Variants in ME1 observed in about 807,000 individuals in gnomAD.
ME1 encodes the protein NADP-dependent malic enzyme.
Under a neutral mutation model 66.4 loss-of-function variants are expected in ME1, and 74 were observed. The ratio of observed to expected loss-of-function variants is 1.11; its 90% CI spans 0.92 to 1.35. The LOEUF (loss-of-function observed/expected upper bound fraction) is 1.35, where lower values mean the gene tolerates loss of function less well. ME1 is among the 40% of genes most tolerant of loss of function. The pLI is 0.00. For synonymous variants in ME1, 251 were observed against 235.6 expected (o/e 1.07, Z -0.60); for missense variants, 750 against 694.1 (o/e 1.08, Z -0.90).
chr6:83,343,852 A>C (rs1236136490), intron 5 of ME1, among the ~76,000 whole-genome samples: 1 of 152,116 alleles, frequency 6.6e-6, no homozygotes, highest in Non-Finnish European at 1.5e-5. Context: ...CATGAAATCA[A>C]CTCTTTCATA....
At chr6:83,284,586 T>C (rs1215795989) in intron 6 of ME1, among the ~76,000 whole-genome samples, 4 of 151,858 alleles carry the variant, frequency 2.6e-5, no homozygotes, top group Non-Finnish European at 5.9e-5. Context: ...ATAAACAGAT[T>C]TAAAAACAAA....
intron 7 of ME1, among the ~76,000 whole-genome samples, chr6:83,245,885 C>T (rs1299599669): frequency 7.8e-6 from 1 of 128,870 alleles, no homozygotes; most frequent in Non-Finnish European, 1.7e-5. Context: ...AGAAATCTTA[C>T]AGGATCTACA....
intron 3 of ME1, among the ~76,000 whole-genome samples, chr6:83,379,720 C>T (rs1769360209): frequency 6.6e-6 from 1 of 151,938 alleles, no homozygotes; most frequent in Admixed American, 6.6e-5. Flanking sequence ...CATGTTATAA[C>T]ATTAAACCAA....
At chr6:83,357,425 G>C (rs1161911921) in intron 3 of ME1, among the ~76,000 whole-genome samples, 1 of 152,126 alleles carries the variant, frequency 6.6e-6, no homozygotes, top group African/African-American at 2.4e-5. Context: ...TTAATCTATT[G>C]CAAATATAAT....
At chr6:83,393,813 C>T (rs1012455457) in intron 3 of ME1, among the ~76,000 whole-genome samples, 1 of 151,972 alleles carries the variant, frequency 6.6e-6, no homozygotes, top group East Asian at 1.9e-4. Flanking sequence ...TTTGGACATG[C>T]ACAGATGTTT....
chr6:83,256,746 G>T lies in ME1; in HGVS notation c.705-3008C>A, dbSNP rs144233559. ...ACTATAAAGACACACGCACATGTAT[G>T]TTTATTGTGGGACTATTCACAATAG... On this transcript the variant is annotated intron_variant, in intron 6 of 13. Transcript: ENST00000369705. Among the ~76,000 whole-genome samples, 395 of 152,210 alleles carry T rather than the reference G, an allele frequency of 2.6e-3. 4 individuals carry two copies. The highest frequency in any genetic ancestry group is 9.1e-3 in the African/African-American group (377 of 41,546).
At chr6:83,215,655 T>C (rs1393397581) in intron 13 of ME1, among the ~76,000 whole-genome samples, 1 of 152,112 alleles carries the variant, frequency 6.6e-6, no homozygotes, top group Non-Finnish European at 1.5e-5. Flanking sequence ...CACACAAGCG[T>C]GTACACACAC....
At chr6:83,414,111 GAAAAAA>G (rs758493692) in intron 1 of ME1, among the ~76,000 whole-genome samples, 15 of 66,508 alleles carry the variant, frequency 2.3e-4, no homozygotes, top group African/African-American at 4.6e-4. Context: ...ACCCCATCTT[GAAAAAA>G]AAAAAAAAAA....
chr6:83,388,645 T>C lies in ME1; in HGVS notation c.362+9722A>G, dbSNP rs1332493344. Among the ~76,000 whole-genome samples, 3 of 152,342 alleles carry C rather than the reference T, an allele frequency of 2.0e-5. No individual in the cohort carries two copies. The East Asian group carries it at 5.8e-4, about 29-fold the overall frequency. Reference sequence around the variant, plus strand: ...CTGTAAAGAATCTTTTTTGATTTCATTTAATTCTGTTTTTCTCCAGTTAAT... The same window carrying C: ...CTGTAAAGAATCTTTTTTGATTTCACTTAATTCTGTTTTTCTCCAGTTAAT... On this transcript the variant is annotated intron_variant, in intron 3 of 13. Coordinates refer to ENST00000369705, the MANE Select transcript of ME1 (RefSeq NM_002395.6).
intron 2 of ME1, among the ~76,000 whole-genome samples, chr6:83,398,747 G>C (rs547643936): frequency 6.6e-6 from 1 of 152,052 alleles, no homozygotes; most frequent in East Asian, 1.9e-4. Flanking sequence ...TGAGGTGGGC[G>C]GATCACAAGA....
intron 3 of ME1, among the ~76,000 whole-genome samples, chr6:83,352,891 C>T (rs1768827770): frequency 6.6e-6 from 1 of 152,208 alleles, no homozygotes; most frequent in African/African-American, 2.4e-5. Flanking sequence ...AAGACAACCA[C>T]ATTTCTACAT....
intron 1 of ME1, among the ~76,000 whole-genome samples, chr6:83,415,038 C>T (rs192737326): frequency 6.6e-6 from 1 of 152,262 alleles, no homozygotes; most frequent in East Asian, 1.9e-4. Context: ...CCACTGGTTG[C>T]CAATAGACTT....
intron 3 of ME1, among the ~76,000 whole-genome samples, chr6:83,383,374 T>C (rs1003482043): frequency 6.6e-6 from 1 of 151,928 alleles, no homozygotes; most frequent in Non-Finnish European, 1.5e-5. Context: ...CAACTATTGT[T>C]TCCAAATAAA....
intron 5 of ME1, among the ~76,000 whole-genome samples, chr6:83,321,260 G>T (rs906508624): frequency 9.2e-5 from 14 of 152,016 alleles, no homozygotes; most frequent in Non-Finnish European, 1.6e-4. Context: ...AGCTGCAGGA[G>T]TTTTTTTTCC....
chr6:83,232,007 A>G (rs1790317836), intron 9 of ME1, among the ~76,000 whole-genome samples: 2 of 152,166 alleles, frequency 1.3e-5, no homozygotes, highest in South Asian at 4.1e-4. Flanking sequence ...TCAAAAGCAC[A>G]TGTTTATAGT....
At chr6:83,419,241 A>G (rs577119833) in intron 1 of ME1, among the ~76,000 whole-genome samples, 67 of 152,342 alleles carry the variant, frequency 4.4e-4, no homozygotes, top group South Asian at 1.0e-3. Context: ...TAAGGAATCC[A>G]CATACTAAGG....
rs201835117 is a variant in ME1 at position 83,425,160 on chromosome 6, A to AT, written c.78+5716dup. ...CACACCACCATGCCCAGCTTTTTGT[A>AT]TTTTTTTTTCTTTTTTGTAAAGATG... On this transcript the variant is annotated intron_variant, in intron 1 of 13. Coordinates refer to ENST00000369705, the MANE Select transcript of ME1 (RefSeq NM_002395.6). 9.6e-3 allele frequency among the ~76,000 whole-genome samples: 1,442 copies of AT among 150,110 alleles called. 10 individuals are homozygous for AT. Among genetic ancestry groups the AT allele is most frequent in the Middle Eastern group, 0.031 (9 of 288 alleles).
intron 3 of ME1, among the ~76,000 whole-genome samples, chr6:83,382,661 T>C (rs1769428452): frequency 6.6e-6 from 1 of 152,030 alleles, no homozygotes; most frequent in African/African-American, 2.4e-5. Flanking sequence ...ACATAATACA[T>C]CATTTTACCT....
chr6:83,257,088 T>C (rs1766787281), intron 6 of ME1, among the ~76,000 whole-genome samples: 1 of 152,050 alleles, frequency 6.6e-6, no homozygotes, highest in Non-Finnish European at 1.5e-5. Context: ...AAATACCTAA[T>C]GTAGATGATG....
Sources: gnomAD v4.1 joint callset for allele counts (sites outside exome capture counted in the v4.1 genomes callset) on GRCh38, gnomAD v4.1.1 for gene constraint, MANE v1.5 for transcripts, NCBI Gene and HGNC (gene_info 2026-07-23, HGNC 2026-07-21) for gene names.